OSTF1: variants seen among roughly 807,000 people sequenced by gnomAD.
OSTF1 encodes osteoclast-stimulating factor 1.
Under a neutral mutation model 37.2 loss-of-function variants are expected in OSTF1, and 27 were observed. The ratio of observed to expected loss-of-function variants is 0.73; its 90% CI spans 0.54 to 1.00. The LOEUF (loss-of-function observed/expected upper bound fraction) is 1.00. Ranked by LOEUF, OSTF1 falls within the 50% of genes least tolerant of loss-of-function variation. The pLI is 0.00. For missense variants in OSTF1, 232 were observed against 253.8 expected (o/e 0.91, Z 0.58); for synonymous variants, 82 against 89.2 (o/e 0.92, Z 0.46).
chr9:75,096,987 A>G (rs888532998), intron 1 of OSTF1, among the ~76,000 whole-genome samples: 6 of 152,062 alleles, frequency 3.9e-5, no homozygotes, highest in South Asian at 4.1e-4. Flanking sequence ...TTTTGGGCTT[A>G]TTGTTTGGAT....
chr9:75,114,277 T>A (rs1480484634), intron 1 of OSTF1, among the ~76,000 whole-genome samples: 1 of 152,226 alleles, frequency 6.6e-6, no homozygotes, highest in East Asian at 1.9e-4. Context: ...TTAAGATGAC[T>A]GTGTCTTGTG....
intron 1 of OSTF1, among the ~76,000 whole-genome samples, chr9:75,094,622 A>C (rs1825040149): frequency 6.6e-6 from 1 of 152,084 alleles, no homozygotes; most frequent in Non-Finnish European, 1.5e-5. Context: ...ACCCATTGCC[A>C]AAGTTGTCCT....
intron 1 of OSTF1, among the ~76,000 whole-genome samples, chr9:75,095,456 T>C (rs899407391): frequency 6.6e-6 from 1 of 152,178 alleles, no homozygotes; most frequent in African/African-American, 2.4e-5. Flanking sequence ...GCTGAGAAGA[T>C]GTTACGGAAG....
chr9:75,127,716 C>T (rs1825683477), intron 3 of OSTF1, 97 bp downstream of exon 3: 1 of 679,340 alleles, frequency 1.5e-6, no homozygotes. Context: ...CATAGAAATA[C>T]ATATGTACAA....
intron 1 of OSTF1, among the ~76,000 whole-genome samples, chr9:75,105,908 A>C (rs1340668580): frequency 6.6e-6 from 1 of 152,222 alleles, no homozygotes; most frequent in African/African-American, 2.4e-5. Flanking sequence ...AAAGTAAACC[A>C]AGTTTGCTGA....
intron 1 of OSTF1, among the ~76,000 whole-genome samples, chr9:75,102,301 T>G (rs1825207105): frequency 6.6e-6 from 1 of 152,228 alleles, no homozygotes; most frequent in Non-Finnish European, 1.5e-5. Context: ...TAATTTCATC[T>G]CTAAACAGTG....
At position 75,133,362 on chromosome 9, in the gene OSTF1, A is replaced by G; in HGVS notation, c.319A>G (p.Ser107Gly). ...VGVNGLDKAG[S>G]TALYWACHGG... is the part of the protein sequence containing the mutation. ...TGTTAATGGCTTAGACAAAGCTGGA[A>G]GCACTGCCTTATACTGGGCTTGCCA... The change falls in exon 6 of 10, where the codon AGC becomes GGC. Residue 107 changes from serine (S) to glycine (G), a missense_variant. By Grantham distance (56) the Ser-to-Gly change is moderately conservative. Transcript: ENST00000346234. 1 of 1,612,850 alleles carries G rather than the reference A, an allele frequency of 6.2e-7. No homozygotes were observed. Among genetic ancestry groups the G allele is most frequent in the Non-Finnish European group, 8.5e-7 (1 of 1,178,902 alleles).
chr9:75,121,840 G>A (rs977713170), intron 2 of OSTF1, among the ~76,000 whole-genome samples: 31 of 152,166 alleles, frequency 2.0e-4, no homozygotes, highest in African/African-American at 7.5e-4. Context: ...GAAAGGCTGA[G>A]GTGGGCTCTG....
chr9:75,128,053 A>G (rs1037917825), intron 3 of OSTF1, among the ~76,000 whole-genome samples: 2 of 152,010 alleles, frequency 1.3e-5, no homozygotes, highest in South Asian at 4.1e-4. Context: ...ATTTAGTTTT[A>G]TTCTATGAAG....
At chr9:75,090,173 A>T (rs1333222245) in intron 1 of OSTF1, among the ~76,000 whole-genome samples, 2 of 152,082 alleles carry the variant, frequency 1.3e-5, no homozygotes, top group Non-Finnish European at 2.9e-5. Flanking sequence ...ACAATATTTT[A>T]TTTATCTTAT....
chr9:75,121,322 TTCTAC>T (rs1825577241), intron 2 of OSTF1, among the ~76,000 whole-genome samples: 1 of 152,250 alleles, frequency 6.6e-6, no homozygotes. Flanking sequence ...TTACTTCCAA[TTCTAC>T]TCTAAGATGG....
intron 1 of OSTF1, among the ~76,000 whole-genome samples, chr9:75,115,382 C>T (rs541330130): frequency 1.5e-3 from 229 of 152,244 alleles, no homozygotes; most frequent in Non-Finnish European, 2.7e-3. Flanking sequence ...ACCTCCAACT[C>T]CTGGGTTCAG....
chr9:75,131,891 C>A, intron 5 of OSTF1, 68 bp downstream of exon 5: 1 of 1,091,610 alleles, frequency 9.2e-7, no homozygotes, highest in Non-Finnish European at 1.4e-6. Flanking sequence ...TTAGCTTTGA[C>A]AAGTGCATAC....
At chr9:75,094,554 A>C (rs191537284) in intron 1 of OSTF1, among the ~76,000 whole-genome samples, 1 of 152,200 alleles carries the variant, frequency 6.6e-6, no homozygotes, top group Admixed American at 6.5e-5. Flanking sequence ...AATTTGACTT[A>C]CGTGACTAGT....
chr9:75,106,021 GAGTCCGCT>G (rs1412580020), intron 1 of OSTF1, among the ~76,000 whole-genome samples: 1 of 152,206 alleles, frequency 6.6e-6, no homozygotes, highest in African/African-American at 2.4e-5. Context: ...TGTTTTTAAA[GAGTCCGCT>G]ATTCCTGCAG....
intron 7 of OSTF1, 35 bp from the exon 8 acceptor site, chr9:75,137,503 C>T (rs1259363299): frequency 6.4e-6 from 9 of 1,415,144 alleles, no homozygotes; most frequent in Non-Finnish European, 9.0e-6. Flanking sequence ...CACCCTCTAT[C>T]TTAAAAATGG....
chr9:75,146,936 C>A lies in OSTF1; in HGVS notation c.*195C>A. The A allele has an allele frequency of 7.9e-6, 3 of 378,194 alleles. No individual in the cohort carries two copies. Among genetic ancestry groups the A allele is most frequent in the East Asian group, 4.6e-5 (1 of 21,640 alleles). The allele number at this position is 378,194 out of a possible 1,614,324, so 23.4% of individuals were successfully genotyped here. A position where few individuals can be genotyped will look rare whatever the true frequency, so the allele number is the denominator to read the frequency against. On this transcript the variant is annotated 3_prime_UTR_variant, in exon 10 of 10. Transcript: ENST00000346234. Reference sequence around the variant, plus strand: ...CCAGTAAGTGACTGGATTCTTGGCACATTTATGTTCACCAAAGTAGAACAA... The same window carrying A: ...CCAGTAAGTGACTGGATTCTTGGCAAATTTATGTTCACCAAAGTAGAACAA...
At chr9:75,138,320 A>G (rs1696453581) in intron 8 of OSTF1, among the ~76,000 whole-genome samples, 1 of 152,194 alleles carries the variant, frequency 6.6e-6, no homozygotes, top group African/African-American at 2.4e-5. Context: ...ATGATAGGAA[A>G]TGGTTTAGAT....
chr9:75,119,088 A>G (rs558716155), intron 2 of OSTF1, among the ~76,000 whole-genome samples: 2 of 152,338 alleles, frequency 1.3e-5, no homozygotes, highest in Admixed American at 1.3e-4. Context: ...GACACTGAGC[A>G]TCAGTTCACT....
Sources: gnomAD v4.1 joint callset for allele counts (sites outside exome capture counted in the v4.1 genomes callset) on GRCh38, gnomAD v4.1.1 for gene constraint, MANE v1.5 for transcripts, NCBI Gene and HGNC (gene_info 2026-07-23, HGNC 2026-07-21) for gene names.